The following RIMS2 variants were observed in gnomAD, a reference collection of about 807,000 sequenced individuals.
RIMS2 encodes the protein regulating synaptic membrane exocytosis 2.
RIMS2 carries 59 observed loss-of-function variants against 174.4 expected under a neutral mutation model. That is an observed-to-expected ratio of 0.34 (90% CI 0.27 to 0.42). The LOEUF (loss-of-function observed/expected upper bound fraction) is 0.42, where lower values mean the gene tolerates loss of function less well. Among genes scored for constraint, RIMS2 ranks in the 10% least tolerant of loss-of-function variants. The pLI is 1.00. For missense variants in RIMS2, 1,620 were observed against 1,666.3 expected (o/e 0.97, Z 0.48); for synonymous variants, 606 against 572.5 (o/e 1.06, Z -0.84).
At chr8:103,632,581 C>T (rs981916775) in intron 1 of RIMS2, among the ~76,000 whole-genome samples, 10 of 148,214 alleles carry the variant, frequency 6.7e-5, no homozygotes, top group Non-Finnish European at 1.3e-4. Context: ...CCACCATGCC[C>T]AGCTAATTTT....
intron 19 of RIMS2, among the ~76,000 whole-genome samples, chr8:104,075,633 T>C (rs1316906199): frequency 2.6e-5 from 4 of 152,182 alleles, no homozygotes; most frequent in Non-Finnish European, 1.5e-5. Flanking sequence ...TTTCATATTT[T>C]CCTATTATTT....
intron 19 of RIMS2, among the ~76,000 whole-genome samples, chr8:104,191,081 A>G (rs1010395912): frequency 4.6e-5 from 7 of 152,048 alleles, no homozygotes; most frequent in Non-Finnish European, 8.8e-5. Flanking sequence ...ATCATTATAC[A>G]TTTTTGGAGT....
chr8:103,536,859 A>G (rs1389403625), intron 1 of RIMS2, among the ~76,000 whole-genome samples: 1 of 152,228 alleles, frequency 6.6e-6, no homozygotes, highest in African/African-American at 2.4e-5. Context: ...CATATCAGTC[A>G]CACTTTGAAT....
intron 4 of RIMS2, among the ~76,000 whole-genome samples, chr8:103,907,203 G>T (rs10093057): frequency 0.41 from 62,365 of 152,048 alleles, 13,487 homozygotes; most frequent in Non-Finnish European, 0.45. Context: ...AGAATTTACA[G>T]TTCTAACATG....
At chr8:103,632,825 C>G (rs2095970422) in intron 1 of RIMS2, among the ~76,000 whole-genome samples, 1 of 148,716 alleles carries the variant, frequency 6.7e-6, no homozygotes, top group Non-Finnish European at 1.5e-5. Flanking sequence ...GCTCCGCCTC[C>G]TGGGTTCACG....
chr8:104,127,781 G>A (rs1489955378), intron 19 of RIMS2, among the ~76,000 whole-genome samples: 2 of 151,682 alleles, frequency 1.3e-5, no homozygotes, highest in African/African-American at 4.8e-5. Flanking sequence ...TGCCCTCAAA[G>A]ACAAAACTTA....
chr8:103,547,182 A>G (rs76995711), intron 1 of RIMS2, among the ~76,000 whole-genome samples: 4,905 of 152,292 alleles, frequency 0.032, 105 homozygotes, highest in Non-Finnish European at 0.044. Flanking sequence ...TTCCTTTAGG[A>G]AAGTAAATTA....
At chr8:104,046,233 T>G (rs2096692423) in intron 19 of RIMS2, among the ~76,000 whole-genome samples, 1 of 152,000 alleles carries the variant, frequency 6.6e-6, no homozygotes, top group Non-Finnish European at 1.5e-5. Context: ...TTTTTCCCTT[T>G]GTCTTAATAT....
chr8:103,511,947 G>T (rs1826639212), intron 1 of RIMS2, among the ~76,000 whole-genome samples: 2 of 152,152 alleles, frequency 1.3e-5, no homozygotes, highest in African/African-American at 2.4e-5. Context: ...GTGGCTCACT[G>T]AGCTGTCTCA....
At chr8:103,528,935 A>G (rs1415508946) in intron 1 of RIMS2, among the ~76,000 whole-genome samples, 1 of 152,172 alleles carries the variant, frequency 6.6e-6, no homozygotes, top group Non-Finnish European at 1.5e-5. Flanking sequence ...GAAGAAAGTC[A>G]TTGGTAGCTT....
intron 19 of RIMS2, among the ~76,000 whole-genome samples, chr8:104,185,938 A>G (rs1440193649): frequency 6.6e-6 from 1 of 151,730 alleles, no homozygotes; most frequent in Non-Finnish European, 1.5e-5. Flanking sequence ...CCATATGTTT[A>G]TCATGGCACT....
chr8:103,679,071 T>C (rs1172254422), intron 1 of RIMS2, among the ~76,000 whole-genome samples: 1 of 152,062 alleles, frequency 6.6e-6, no homozygotes, highest in Non-Finnish European at 1.5e-5. Context: ...ATGGAAGAAG[T>C]CATTTTACAA....
Position 104,188,801 on chromosome 8 carries a change from C to T in RIMS2, c.3335-56115C>T, listed in dbSNP as rs140398449. On this transcript the variant is annotated intron_variant, in intron 19 of 23. Transcript: ENST00000504942. Reference sequence around the variant, plus strand: ...TGGGGGTTTATTTCACTAGACTCTTCAGTATTTTCCAGGCTTTCTATGATA... The same window carrying T: ...TGGGGGTTTATTTCACTAGACTCTTTAGTATTTTCCAGGCTTTCTATGATA... 8.8e-3 allele frequency among the ~76,000 whole-genome samples: 1,338 copies of T among 151,872 alleles called. 22 individuals carry two copies. Among genetic ancestry groups the T allele is most frequent in the African/African-American group, 0.03 (1,256 of 41,494 alleles).
In RIMS2 at chr8:103,597,727, A is replaced by T. The variant is rs554919097; in HGVS notation, c.176+96665A>T. Among the ~76,000 whole-genome samples the T allele has an allele frequency of 4.4e-4, 65 of 149,076 alleles. 1 individual carries two copies. The South Asian group carries it at 7.2e-3, about 16-fold the overall frequency. On this transcript the variant is annotated intron_variant, in intron 1 of 23. Transcript: ENST00000504942. ...AACTATAAAGGCACCTCATGTTATT[A>T]TTTTTTTTTTTATTCACCTGCTATC...
At chr8:103,678,357 A>G (rs2096840393) in intron 1 of RIMS2, among the ~76,000 whole-genome samples, 1 of 152,206 alleles carries the variant, frequency 6.6e-6, no homozygotes, top group Non-Finnish European at 1.5e-5. Flanking sequence ...CAGACAAAGC[A>G]ATTCTCATGA....
At chr8:104,026,473 T>C (rs2096260570) in intron 19 of RIMS2, among the ~76,000 whole-genome samples, 1 of 152,122 alleles carries the variant, frequency 6.6e-6, no homozygotes. Context: ...ATTAATTCTT[T>C]GCCAGGATTA....
chr8:103,777,665 T>C (rs996876110), intron 3 of RIMS2, among the ~76,000 whole-genome samples: 1 of 152,124 alleles, frequency 6.6e-6, no homozygotes, highest in Non-Finnish European at 1.5e-5. Context: ...AGGGTTGATA[T>C]AGACAGAAAA....
intron 3 of RIMS2, among the ~76,000 whole-genome samples, chr8:103,839,209 T>C (rs1008715130): frequency 1.3e-5 from 2 of 152,272 alleles, no homozygotes; most frequent in African/African-American, 4.8e-5. Context: ...TCTGTAGGAC[T>C]GTTTCTAATG....
At chr8:103,592,854 C>T (rs1442846612) in intron 1 of RIMS2, among the ~76,000 whole-genome samples, 1 of 151,174 alleles carries the variant, frequency 6.6e-6, no homozygotes, top group Non-Finnish European at 1.5e-5. Flanking sequence ...TAAGTCTTGA[C>T]CTTTGAGTAC....
Sources: gnomAD v4.1 joint callset for allele counts (sites outside exome capture counted in the v4.1 genomes callset) on GRCh38, gnomAD v4.1.1 for gene constraint, MANE v1.5 for transcripts, NCBI Gene and HGNC (gene_info 2026-07-23, HGNC 2026-07-21) for gene names.